Variants in ADORA2B observed in about 807,000 individuals in gnomAD.
ADORA2B encodes the protein adenosine receptor A2b.
A neutral mutation model predicts 20.8 loss-of-function variants in ADORA2B; 18 were observed. The observed-to-expected ratio is 0.87, with a 90% confidence interval of 0.60 to 1.29. ADORA2B has a LOEUF of 1.29. Ranked by LOEUF, ADORA2B falls within the 50% of genes most tolerant of loss-of-function variation. The probability of loss-of-function intolerance (pLI) is 0.00; values close to 1 mark genes in which losing one functional copy is unlikely to be tolerated. For missense variants in ADORA2B, 441 were observed against 422.7 expected, an observed-to-expected ratio of 1.04 and a Z score of -0.38; for synonymous variants, 179 against 178.3, an observed-to-expected ratio of 1.00 and a Z score of -0.03.
the ADORA2B span, among the ~76,000 whole-genome samples, chr17:15,881,835 C>T: frequency 6.6e-6 from 1 of 152,208 alleles, no homozygotes; most frequent in African/African-American, 2.4e-5. Flanking sequence ...TGTGGTTTTC[C>T]TTGTGTCTTC....
chr17:15,925,805 T>TA, the ADORA2B span, among the ~76,000 whole-genome samples: 39 of 152,066 alleles, frequency 2.6e-4, no homozygotes, highest in East Asian at 6.0e-3. Flanking sequence ...CTGTCTCTAC[T>TA]AAAAAAACCA....
the ADORA2B span, among the ~76,000 whole-genome samples, chr17:15,900,032 A>G: frequency 1.3e-5 from 2 of 151,846 alleles, no homozygotes; most frequent in African/African-American, 2.4e-5. Context: ...GGCTTTCACC[A>G]TGTTGGCCAG....
At chr17:15,852,277 A>G in the ADORA2B span, among the ~76,000 whole-genome samples, 3 of 152,304 alleles carry the variant, frequency 2.0e-5, no homozygotes, top group Admixed American at 6.5e-5. Context: ...CTTTCTAGCT[A>G]TTAGATTATG....
the ADORA2B span, among the ~76,000 whole-genome samples, chr17:15,859,715 G>T: frequency 6.6e-6 from 1 of 152,134 alleles, no homozygotes; most frequent in South Asian, 2.1e-4. Context: ...GAAGGCTGAG[G>T]TGGGAGGATC....
chr17:15,943,521 T>TG (rs756387493), upstream of ADORA2B, among the ~76,000 whole-genome samples: 64 of 152,302 alleles, frequency 4.2e-4, no homozygotes, highest in Non-Finnish European at 7.2e-4. Context: ...TGTTTAGAGA[T>TG]GGGGTCTCCC....
chr17:15,868,032 AATT>A, the ADORA2B span, among the ~76,000 whole-genome samples: 1 of 147,926 alleles, frequency 6.8e-6, no homozygotes, highest in Non-Finnish European at 1.5e-5. Context: ...TACTAAGAAA[AATT>A]CTTCTGCCTT....
At chr17:15,884,311 G>C in the ADORA2B span, among the ~76,000 whole-genome samples, 1 of 152,240 alleles carries the variant, frequency 6.6e-6, no homozygotes. Flanking sequence ...TGTGCTGGCT[G>C]AACCTTAGCC....
chr17:15,949,732 G>A (rs530769896), intron 1 of ADORA2B, among the ~76,000 whole-genome samples: 4 of 152,096 alleles, frequency 2.6e-5, no homozygotes, highest in African/African-American at 7.2e-5. Flanking sequence ...TTAGCCGGGC[G>A]TGGTGGCACG....
the ADORA2B span, among the ~76,000 whole-genome samples, chr17:15,916,725 A>T: frequency 2.6e-5 from 4 of 152,166 alleles, no homozygotes; most frequent in Non-Finnish European, 5.9e-5. Context: ...TCTGCCTTTT[A>T]GTTTTTAATT....
At position 15,974,874 on chromosome 17, in the gene ADORA2B, C is replaced by T; in HGVS notation, c.531C>T (p.Val177=). 1.2e-6 allele frequency: 2 copies of T among 1,614,108 alleles called. No homozygotes were observed. Among genetic ancestry groups the T allele is most frequent in the Non-Finnish European group, 1.7e-6 (2 of 1,180,018 alleles). Residue 177 remains valine (V), a synonymous_variant, in exon 2 of 2, where the codon GTC becomes GTT. Transcript: ENST00000304222. ...TGAAGTGTCTCTTTGAGAATGTGGTCCCCATGAGCTACATGGTATATTTCA... is the reference window on the plus strand; with the variant it reads ...TGAAGTGTCTCTTTGAGAATGTGGTTCCCATGAGCTACATGGTATATTTCA... ...CLVKCLFENV[V]PMSYMVYFNF... is the part of the protein sequence containing the mutation.
At chr17:15,913,656 C>G in the ADORA2B span, among the ~76,000 whole-genome samples, 2 of 152,198 alleles carry the variant, frequency 1.3e-5, no homozygotes, top group African/African-American at 4.8e-5. Flanking sequence ...TGTAACTTGA[C>G]TCACCTGCCT....
At chr17:15,952,219 A>G (rs894770953) in intron 1 of ADORA2B, among the ~76,000 whole-genome samples, 10 of 152,096 alleles carry the variant, frequency 6.6e-5, no homozygotes, top group African/African-American at 1.9e-4. Flanking sequence ...TTATCACAGC[A>G]TGGGTGTACA....
chr17:15,934,332 A>G, the ADORA2B span, among the ~76,000 whole-genome samples: 1 of 151,970 alleles, frequency 6.6e-6, no homozygotes, highest in Admixed American at 6.6e-5. Context: ...GAGTTCAAGC[A>G]ATTCTGCCTC....
At chr17:15,937,141 A>G in the ADORA2B span, among the ~76,000 whole-genome samples, 685 of 152,346 alleles carry the variant, frequency 4.5e-3, 1 homozygote, top group Non-Finnish European at 7.7e-3. Flanking sequence ...CATTTAAAAT[A>G]ATACAATGTG....
intron 1 of ADORA2B, among the ~76,000 whole-genome samples, chr17:15,960,277 G>A (rs1279566954): frequency 1.8e-4 from 24 of 130,972 alleles, no homozygotes; most frequent in African/African-American, 6.2e-4. Flanking sequence ...AAATTGGGCC[G>A]GGCGCGGTGG....
At chr17:15,864,534 A>G in the ADORA2B span, among the ~76,000 whole-genome samples, 904 of 151,656 alleles carry the variant, frequency 6.0e-3, 13 homozygotes, top group African/African-American at 0.02. Context: ...TCTCTGGCTG[A>G]CTCCCTGAAA....
the ADORA2B span, among the ~76,000 whole-genome samples, chr17:15,875,614 C>T: frequency 1.3e-5 from 2 of 152,198 alleles, no homozygotes; most frequent in Non-Finnish European, 2.9e-5. Context: ...GACGGAGTCT[C>T]ACTCTGTCGC....
At chr17:15,876,477 A>C in the ADORA2B span, among the ~76,000 whole-genome samples, 2 of 119,030 alleles carry the variant, frequency 1.7e-5, no homozygotes, top group African/African-American at 3.2e-5. Flanking sequence ...CATGCTAGTC[A>C]CTCACTGCAC....
the ADORA2B span, among the ~76,000 whole-genome samples, chr17:15,878,195 ACACACACACACAC>A: frequency 7.8e-6 from 1 of 128,220 alleles, no homozygotes; most frequent in African/African-American, 4.4e-5. Flanking sequence ...ACACACACAC[ACACACACACACAC>A]ACACACATTA....
Sources: gnomAD v4.1 joint callset for allele counts (sites outside exome capture counted in the v4.1 genomes callset) on GRCh38, gnomAD v4.1.1 for gene constraint, MANE v1.5 for transcripts, NCBI Gene and HGNC (gene_info 2026-07-23, HGNC 2026-07-21) for gene names.